GAB1: variants seen among roughly 807,000 people sequenced by gnomAD.
GAB1 encodes the protein GRB2-associated-binding protein 1.
In GAB1, 19 loss-of-function variants were observed where a neutral mutation model predicts 66.5. The ratio of observed to expected loss-of-function variants is 0.29; its 90% CI spans 0.20 to 0.42. The LOEUF is 0.42. GAB1 is among the 10% of genes least tolerant of loss of function. The pLI is 1.00. For synonymous variants in GAB1, 294 were observed against 301.4 expected (o/e 0.98, Z 0.25); for missense variants, 732 against 858.5 (o/e 0.85, Z 1.84).
intron 2 of GAB1, among the ~76,000 whole-genome samples, chr4:143,419,168 A>C (rs749799899): frequency 1.3e-5 from 2 of 152,138 alleles, no homozygotes; most frequent in Admixed American, 6.5e-5. Context: ...ATAATTGATG[A>C]GTGCAAGTTT....
chr4:143,416,082 T>G (rs1220813389), intron 2 of GAB1, among the ~76,000 whole-genome samples: 2 of 152,202 alleles, frequency 1.3e-5, no homozygotes, highest in East Asian at 3.9e-4. Flanking sequence ...ATAACACTGT[T>G]GATATTTTAC....
At chr4:143,349,807 C>A (rs1047769337) in intron 1 of GAB1, 3 of 1,587,012 alleles carry the variant, frequency 1.9e-6, no homozygotes. Flanking sequence ...CTGGCCGGCA[C>A]GGGTCTGCTT....
intron 1 of GAB1, among the ~76,000 whole-genome samples, chr4:143,398,644 A>T (rs1036686331): frequency 2.6e-5 from 4 of 151,466 alleles, no homozygotes; most frequent in Admixed American, 6.6e-5. Context: ...ATATGTCACT[A>T]ATCATGGTAG....
chr4:143,397,769 T>C (rs543817170), intron 1 of GAB1, among the ~76,000 whole-genome samples: 4 of 152,322 alleles, frequency 2.6e-5, no homozygotes, highest in South Asian at 4.1e-4. Context: ...TCCTGACATA[T>C]GAACCTTGAT....
intron 1 of GAB1, among the ~76,000 whole-genome samples, chr4:143,361,593 G>C (rs1729663135): frequency 6.6e-6 from 1 of 152,164 alleles, no homozygotes; most frequent in African/African-American, 2.4e-5. Context: ...TATCAGCCAG[G>C]ATCAATGATG....
intron 8 of GAB1, among the ~76,000 whole-genome samples, chr4:143,462,063 G>A (rs1195983702): frequency 6.6e-6 from 1 of 151,948 alleles, no homozygotes; most frequent in Non-Finnish European, 1.5e-5. Context: ...CCTAGCCTGG[G>A]CAACATAGCG....
intron 1 of GAB1, among the ~76,000 whole-genome samples, chr4:143,365,284 T>C (rs1729836650): frequency 6.6e-6 from 1 of 152,128 alleles, no homozygotes; most frequent in Non-Finnish European, 1.5e-5. Context: ...ATTACTAATA[T>C]TCTTTTCTCT....
rs549055045 is a variant in GAB1, at chr4:143,350,092, C to T, written c.72+12832C>T. On this transcript the variant is annotated intron_variant, in intron 1 of 9. Transcript: ENST00000262994. The stretch of plus-strand genomic sequence containing the variant: ...AGGGCCACCAGGGCCTCCGGGCCCT[C>T]CCGCTGCACCGGCGTCATCCGCCAT... 233 of 1,372,300 alleles carry T rather than the reference C, an allele frequency of 1.7e-4. 1 individual carries two copies. In the African/African-American group the frequency reaches 2.8e-3, roughly 16 times the overall value. The allele number at this position is 1,372,300 out of a possible 1,614,324, so 85.0% of individuals were successfully genotyped here.
At chr4:143,384,622 G>A (rs776180978) in intron 1 of GAB1, among the ~76,000 whole-genome samples, 3 of 152,230 alleles carry the variant, frequency 2.0e-5, no homozygotes, top group Non-Finnish European at 4.4e-5. Context: ...AACAGCACAT[G>A]TTAGGGTGAT....
chr4:143,342,860 G>C (rs1441781239), intron 1 of GAB1, among the ~76,000 whole-genome samples: 1 of 152,090 alleles, frequency 6.6e-6, no homozygotes, highest in African/African-American at 2.4e-5. Context: ...ACCGTGCCCA[G>C]CCAGAGGTGA....
At position 143,352,601 on chromosome 4, in the gene GAB1, G is replaced by A. The variant is rs543288823; in HGVS notation, c.72+15341G>A. On this transcript the variant is annotated intron_variant, in intron 1 of 9. Transcript: ENST00000262994. ...TAACTTCTAAAGTGAAGATTCTTGG[G>A]CCCTACCCTCCTTCTAATGTTTTTA... Among the ~76,000 whole-genome samples the A allele has an allele frequency of 1.6e-4, 24 of 152,232 alleles. No homozygotes were observed. In the South Asian group the frequency reaches 4.8e-3, roughly 30 times the overall value.
At chr4:143,340,803 T>C (rs1728799776) in intron 1 of GAB1, among the ~76,000 whole-genome samples, 1 of 152,172 alleles carries the variant, frequency 6.6e-6, no homozygotes. Flanking sequence ...CGCCTGGCCT[T>C]AAATTGTTTT....
In GAB1 at chr4:143,471,473, T is replaced by C. The variant is rs541242421; in HGVS notation, c.*2284T>C. 1 of 152,322 alleles carries C rather than the reference T, an allele frequency of 6.6e-6. No individual in the cohort carries two copies. The highest frequency in any genetic ancestry group is 6.5e-5 in the Admixed American group (1 of 15,300). The allele number at this position is 152,322 out of a possible 1,614,324, so 9.4% of individuals were successfully genotyped here. A position where few individuals can be genotyped will look rare whatever the true frequency, so the allele number is the denominator to read the frequency against. ...ATGTATAACCCCAATACATAAAGCC[T>C]GAAAACTCAATTTTATCAATATAAA... On this transcript the variant is annotated 3_prime_UTR_variant, in exon 10 of 10. Transcript: ENST00000262994.
intron 1 of GAB1, among the ~76,000 whole-genome samples, chr4:143,368,725 T>C (rs1729988861): frequency 6.6e-6 from 1 of 152,190 alleles, no homozygotes; most frequent in Non-Finnish European, 1.5e-5. Flanking sequence ...TGCTCTTTTG[T>C]TTGCTTGCTG....
intron 1 of GAB1, chr4:143,381,835 T>A (rs1730669801): frequency 6.6e-6 from 1 of 152,226 alleles, no homozygotes; most frequent in African/African-American, 2.4e-5. Context: ...GAGTCTTCCA[T>A]CTCTTCCACT....
At chr4:143,405,087 T>C (rs904638021) in intron 1 of GAB1, among the ~76,000 whole-genome samples, 6 of 152,174 alleles carry the variant, frequency 3.9e-5, no homozygotes, top group African/African-American at 1.4e-4. Flanking sequence ...AAACAAGACG[T>C]TATTAAACAT....
chr4:143,449,810 T>C (rs1734810473), intron 6 of GAB1, among the ~76,000 whole-genome samples: 2 of 152,278 alleles, frequency 1.3e-5, no homozygotes, highest in East Asian at 1.9e-4. Flanking sequence ...AATATTGTTA[T>C]GTGTGAAAAT....
At chr4:143,423,811 TATATATATATA>T (rs1453278296) in intron 2 of GAB1, among the ~76,000 whole-genome samples, 1 of 85,152 alleles carries the variant, frequency 1.2e-5, no homozygotes, top group Non-Finnish European at 2.8e-5. Flanking sequence ...TATATATATA[TATATATATATA>T]TATATATATA....
chr4:143,420,342 A>G (rs1732946978), intron 2 of GAB1, among the ~76,000 whole-genome samples: 1 of 152,140 alleles, frequency 6.6e-6, no homozygotes, highest in African/African-American at 2.4e-5. Context: ...TGTGAGAATA[A>G]CTAATTTTCC....
Sources: allele counts gnomAD v4.1 joint callset (sites outside exome capture counted in the v4.1 genomes callset), GRCh38; gene constraint gnomAD v4.1.1; transcripts MANE v1.5; gene names NCBI Gene and HGNC (gene_info 2026-07-23, HGNC 2026-07-21).